The following PPP1R1C variants were observed in gnomAD, a reference collection of about 807,000 sequenced individuals.
PPP1R1C encodes the protein protein phosphatase 1 regulatory inhibitor subunit 1C, also known as protein phosphatase 1 regulatory subunit 1C.
A neutral mutation model predicts 17.4 loss-of-function variants in PPP1R1C; 15 were observed. The ratio of observed to expected loss-of-function variants is 0.86; its 90% CI spans 0.58 to 1.33. The LOEUF (loss-of-function observed/expected upper bound fraction) is 1.33, where lower values mean the gene tolerates loss of function less well. PPP1R1C is among the 40% of genes most tolerant of loss of function. The pLI, the probability that PPP1R1C is intolerant of heterozygous loss-of-function variation, is 0.00. For missense variants in PPP1R1C, 143 were observed against 130.0 expected (o/e 1.10, Z -0.48); for synonymous variants, 35 against 43.1 (o/e 0.81, Z 0.73).
chr2:182,071,770 A>G (rs1398136334), intron 4 of PPP1R1C, among the ~76,000 whole-genome samples: 1 of 152,192 alleles, frequency 6.6e-6, no homozygotes. Flanking sequence ...TTATAACTCA[A>G]TACTATATTA....
intron 1 of PPP1R1C, 102 bp from the exon 2 acceptor site, chr2:181,987,737 A>G: frequency 8.5e-7 from 1 of 1,180,444 alleles, no homozygotes; most frequent in Non-Finnish European, 1.2e-6. Flanking sequence ...TTGCTTTTGC[A>G]TGTGGGGAAA....
chr2:181,981,715 T>C (rs1685197010), upstream of PPP1R1C, among the ~76,000 whole-genome samples: 1 of 152,212 alleles, frequency 6.6e-6, no homozygotes, highest in Non-Finnish European at 1.5e-5. Context: ...ATTGTCACTC[T>C]CCCATGCATC....
At chr2:181,969,704 C>G (rs767893974) in intron 1 of PPP1R1C, among the ~76,000 whole-genome samples, 1 of 152,142 alleles carries the variant, frequency 6.6e-6, no homozygotes, top group Non-Finnish European at 1.5e-5. Context: ...CTACCCCTGT[C>G]TCTCTCTCTA....
At chr2:182,040,080 A>G (rs1344979119) in intron 2 of PPP1R1C, among the ~76,000 whole-genome samples, 3 of 152,170 alleles carry the variant, frequency 2.0e-5, no homozygotes, top group African/African-American at 7.2e-5. Context: ...TTGGTACCAT[A>G]TCTTTGCAAT....
At chr2:182,030,090 T>C (rs1686767502) in intron 2 of PPP1R1C, among the ~76,000 whole-genome samples, 1 of 131,452 alleles carries the variant, frequency 7.6e-6, no homozygotes, top group African/African-American at 2.9e-5. Context: ...TTCTCTGTAT[T>C]GGTTATTCTA....
intron 1 of PPP1R1C, among the ~76,000 whole-genome samples, chr2:181,974,707 G>A (rs1249362002): frequency 2.0e-5 from 3 of 152,224 alleles, no homozygotes; most frequent in Non-Finnish European, 4.4e-5. Flanking sequence ...AAATGGAGAA[G>A]ACAGTCACTT....
chr2:181,988,279 A>G (rs1007857460), intron 2 of PPP1R1C, among the ~76,000 whole-genome samples: 1 of 152,260 alleles, frequency 6.6e-6, no homozygotes, highest in African/African-American at 2.4e-5. Flanking sequence ...TTTACAGAGT[A>G]AGTTTTTTAT....
chr2:182,050,944 A>T (rs1687496122), intron 2 of PPP1R1C, among the ~76,000 whole-genome samples: 1 of 152,188 alleles, frequency 6.6e-6, no homozygotes, highest in African/African-American at 2.4e-5. Flanking sequence ...CTCTTGAGTA[A>T]CTTTAAAAAG....
At chr2:181,984,859 C>T (rs901717100), upstream of PPP1R1C, among the ~76,000 whole-genome samples, 2 of 152,122 alleles carry the variant, frequency 1.3e-5, no homozygotes, top group African/African-American at 4.8e-5. Context: ...GTTTCATTTT[C>T]ACACTTCCTT....
At chr2:182,018,651 A>G (rs923405870) in intron 2 of PPP1R1C, among the ~76,000 whole-genome samples, 1 of 152,214 alleles carries the variant, frequency 6.6e-6, no homozygotes, top group African/African-American at 2.4e-5. Flanking sequence ...TTGTCATTCT[A>G]TGAGCTAGAA....
At position 182,046,740 on chromosome 2, in the gene PPP1R1C, G is replaced by GA. The variant is rs1213076126; in HGVS notation, c.143-14688dup. On this transcript the variant is annotated intron_variant, in intron 2 of 4. Coordinates refer to ENST00000682840, the MANE Select transcript of PPP1R1C (RefSeq NM_001080545.3). The stretch of plus-strand genomic sequence containing the variant: ...GCAACAGAGCGAGTCTCTGTCTCAA[G>GA]AAAAAAAAAAAAAAGAAAGAAATAC... Among the ~76,000 whole-genome samples, 627 of 89,640 alleles carry GA rather than the reference G, an allele frequency of 7.0e-3. 2 individuals carry two copies. The highest frequency in any genetic ancestry group is 0.015 in the African/African-American group (368 of 23,986). 58.8% of individuals were successfully genotyped at this position (89,640 alleles called of 152,430 possible).
At chr2:182,013,862 C>T (rs1686164176) in intron 2 of PPP1R1C, among the ~76,000 whole-genome samples, 1 of 152,098 alleles carries the variant, frequency 6.6e-6, no homozygotes, top group Admixed American at 6.5e-5. Context: ...TTTTTCAGCT[C>T]TAGAATTTCT....
intron 2 of PPP1R1C, among the ~76,000 whole-genome samples, chr2:182,032,099 G>A (rs1248574986): frequency 1.3e-5 from 2 of 152,206 alleles, no homozygotes; most frequent in Non-Finnish European, 2.9e-5. Context: ...TTACAGTGAT[G>A]TAATACACCA....
chr2:182,057,823 C>T (rs1458765234), intron 2 of PPP1R1C, among the ~76,000 whole-genome samples: 2 of 152,012 alleles, frequency 1.3e-5, no homozygotes, highest in Non-Finnish European at 2.9e-5. Flanking sequence ...CTCTCTGTTG[C>T]TCTTCAAAAT....
intron 1 of PPP1R1C, among the ~76,000 whole-genome samples, chr2:181,969,393 T>C (rs1014997118): frequency 1.3e-5 from 2 of 152,186 alleles, no homozygotes; most frequent in Non-Finnish European, 2.9e-5. Flanking sequence ...TATTTTTTTC[T>C]TTTAGCACTT....
chr2:182,044,158 T>C (rs1178372649), intron 2 of PPP1R1C, among the ~76,000 whole-genome samples: 1 of 152,218 alleles, frequency 6.6e-6, no homozygotes, highest in East Asian at 1.9e-4. Flanking sequence ...CTGAGCTACC[T>C]GTATCCAGGA....
intron 2 of PPP1R1C, among the ~76,000 whole-genome samples, chr2:182,030,216 CAA>C (rs1686771806): frequency 6.6e-6 from 1 of 152,174 alleles, no homozygotes; most frequent in South Asian, 2.1e-4. Context: ...CTCAGCTCGT[CAA>C]AGTCATTCTC....
intron 4 of PPP1R1C, among the ~76,000 whole-genome samples, chr2:182,112,734 A>G (rs1689478646): frequency 6.6e-6 from 1 of 152,164 alleles, no homozygotes; most frequent in Non-Finnish European, 1.5e-5. Flanking sequence ...TCTGCTGAAA[A>G]CTATTGACCT....
At chr2:181,977,883 T>A (rs762449108) in intron 2 of PPP1R1C, among the ~76,000 whole-genome samples, 1 of 152,186 alleles carries the variant, frequency 6.6e-6, no homozygotes, top group Non-Finnish European at 1.5e-5. Context: ...CTGTGATGAC[T>A]CAAAGTCTGG....
Sources: gnomAD v4.1 joint callset for allele counts (sites outside exome capture counted in the v4.1 genomes callset) on GRCh38, gnomAD v4.1.1 for gene constraint, MANE v1.5 for transcripts, NCBI Gene and HGNC (gene_info 2026-07-23, HGNC 2026-07-21) for gene names.